Variants in ITGA9 observed in about 807,000 individuals in gnomAD.
ITGA9 encodes integrin alpha-9.
Under a neutral mutation model 127.8 loss-of-function variants are expected in ITGA9, and 56 were observed. That is an observed-to-expected ratio of 0.44 (90% CI 0.35 to 0.55). The LOEUF (loss-of-function observed/expected upper bound fraction) is 0.55, where lower values mean the gene tolerates loss of function less well. Among genes scored for constraint, ITGA9 ranks in the 20% least tolerant of loss-of-function variants. The probability of loss-of-function intolerance (pLI) is 0.00; values close to 1 mark genes in which losing one functional copy is unlikely to be tolerated. For synonymous variants in ITGA9, 508 were observed against 514.5 expected, an observed-to-expected ratio of 0.99 and a Z score of 0.17; for missense variants, 1,196 against 1,347.1, an observed-to-expected ratio of 0.89 and a Z score of 1.76.
At chr3:37,706,126 C>A (rs1186443692) in intron 18 of ITGA9, among the ~76,000 whole-genome samples, 2 of 152,168 alleles carry the variant, frequency 1.3e-5, no homozygotes, top group African/African-American at 4.8e-5. Context: ...AGTGAGGACC[C>A]AGGCAAGTTC....
At chr3:37,720,530 A>T (rs1701180226) in intron 18 of ITGA9, among the ~76,000 whole-genome samples, 1 of 152,112 alleles carries the variant, frequency 6.6e-6, no homozygotes, top group South Asian at 2.1e-4. Context: ...CTCCGAGGAA[A>T]TTTTTTTTAA....
chr3:37,456,360 A>C (rs1391675300), intron 1 of ITGA9, among the ~76,000 whole-genome samples: 1 of 152,186 alleles, frequency 6.6e-6, no homozygotes, highest in African/African-American at 2.4e-5. Context: ...TCCTTTGAAC[A>C]ACAACAGTAA....
chr3:37,779,396 C>T (rs896665755), intron 24 of ITGA9, among the ~76,000 whole-genome samples: 4 of 152,110 alleles, frequency 2.6e-5, no homozygotes, highest in Non-Finnish European at 4.4e-5. Flanking sequence ...TGAGCCACTG[C>T]GCCCAGCCGA....
intron 5 of ITGA9, among the ~76,000 whole-genome samples, chr3:37,497,304 TG>T (rs1479149079): frequency 6.6e-6 from 1 of 150,804 alleles, no homozygotes; most frequent in Non-Finnish European, 1.5e-5. Context: ...GCAATAAACA[TG>T]CACATTTGGC....
chr3:37,612,191 G>T (rs957795535), intron 15 of ITGA9, among the ~76,000 whole-genome samples: 1 of 152,184 alleles, frequency 6.6e-6, no homozygotes, highest in Non-Finnish European at 1.5e-5. Context: ...TAAGACAAAA[G>T]TTCTTAACCA....
At chr3:37,624,366 G>A (rs978205182) in intron 15 of ITGA9, among the ~76,000 whole-genome samples, 5 of 152,052 alleles carry the variant, frequency 3.3e-5, no homozygotes, top group Admixed American at 6.5e-5. Context: ...ATTGAAATGC[G>A]TGTCTTCCTT....
intron 15 of ITGA9, among the ~76,000 whole-genome samples, chr3:37,595,503 C>T (rs1049480149): frequency 6.6e-6 from 1 of 152,186 alleles, no homozygotes; most frequent in African/African-American, 2.4e-5. Context: ...TCAGAAAATG[C>T]CGGAACAGCA....
At chr3:37,656,369 T>C (rs1700477916) in intron 17 of ITGA9, among the ~76,000 whole-genome samples, 1 of 152,234 alleles carries the variant, frequency 6.6e-6, no homozygotes, top group Admixed American at 6.5e-5. Context: ...CTTATTTCCT[T>C]GAGCAGTGGT....
At chr3:37,553,587 C>G (rs1282601131) in intron 15 of ITGA9, among the ~76,000 whole-genome samples, 1 of 152,186 alleles carries the variant, frequency 6.6e-6, no homozygotes, top group African/African-American at 2.4e-5. Flanking sequence ...ATTTTTAACT[C>G]CTCCTTTAAA....
intron 11 of ITGA9, among the ~76,000 whole-genome samples, chr3:37,522,368 G>A (rs1699052610): frequency 6.6e-6 from 1 of 152,152 alleles, no homozygotes; most frequent in Non-Finnish European, 1.5e-5. Context: ...TGTGACAAAG[G>A]CTGTTTGTAC....
chr3:37,736,086 A>T (rs1414275113), intron 19 of ITGA9, among the ~76,000 whole-genome samples: 2 of 152,126 alleles, frequency 1.3e-5, no homozygotes, highest in African/African-American at 4.8e-5. Flanking sequence ...GGAGAGAGAG[A>T]GATCTCTTTG....
intron 18 of ITGA9, among the ~76,000 whole-genome samples, chr3:37,686,742 G>A (rs1449774061): frequency 1.3e-5 from 2 of 152,222 alleles, no homozygotes; most frequent in Non-Finnish European, 2.9e-5. Context: ...TGTAGCTGCT[G>A]TGGAGGCAGG....
chr3:37,461,884 G>A (rs572681036), intron 1 of ITGA9, among the ~76,000 whole-genome samples: 37 of 152,242 alleles, frequency 2.4e-4, no homozygotes, highest in Admixed American at 8.5e-4. Context: ...CCCTTGTTAT[G>A]GGGAGCTCCA....
At chr3:37,606,970 CTTTTT>C (rs11306321) in intron 15 of ITGA9, among the ~76,000 whole-genome samples, 1 of 103,776 alleles carries the variant, frequency 9.6e-6, no homozygotes, top group Non-Finnish European at 1.9e-5. Context: ...CTCATGGCTC[CTTTTT>C]TTTTTTTTTT....
chr3:37,508,483 C>A (rs1698868071), intron 7 of ITGA9, 76 bp from the exon 8 acceptor site: 2 of 1,209,938 alleles, frequency 1.7e-6, no homozygotes, highest in Non-Finnish European at 1.2e-6. Flanking sequence ...TTAAATAGGA[C>A]TCCCAGGAGA....
chr3:37,750,582 T>A lies in ITGA9; in HGVS notation c.2541+13T>A. ...CCAGGAAATGGTGGTGAGTTCTCCA[T>A]TTGTTTTCACTATTGCTTTCAGCTT... On this transcript the variant is annotated intron_variant, in intron 23 of 27. Transcript: ENST00000264741. 6.4e-7 allele frequency: 1 copy of A among 1,560,784 alleles called. No individual in the cohort carries two copies. The highest frequency in any genetic ancestry group is 8.8e-7 in the Non-Finnish European group (1 of 1,131,684).
chr3:37,536,829 GA>G (rs1190205518), intron 14 of ITGA9, among the ~76,000 whole-genome samples: 3 of 152,218 alleles, frequency 2.0e-5, no homozygotes, highest in Non-Finnish European at 4.4e-5. Flanking sequence ...TTTAACAGAG[GA>G]AATTTAGCAC....
At chr3:37,640,103 C>G (rs533963310) in intron 16 of ITGA9, among the ~76,000 whole-genome samples, 20 of 152,300 alleles carry the variant, frequency 1.3e-4, no homozygotes, top group Non-Finnish European at 2.5e-4. Context: ...GAATGGCCCC[C>G]CAAAGATGTC....
At chr3:37,779,764 G>A (rs1272744396) in intron 24 of ITGA9, 138 bp from the exon 25 acceptor site, 8 of 824,708 alleles carry the variant, frequency 9.7e-6, no homozygotes, top group South Asian at 1.5e-5. Context: ...GAGAAAGAAC[G>A]ATTGCATCTT....
Sources: gnomAD v4.1 joint callset for allele counts (sites outside exome capture counted in the v4.1 genomes callset) on GRCh38, gnomAD v4.1.1 for gene constraint, MANE v1.5 for transcripts, NCBI Gene and HGNC (gene_info 2026-07-23, HGNC 2026-07-21) for gene names.